TREM2: variants seen among roughly 807,000 people sequenced by gnomAD.
TREM2 encodes triggering receptor expressed on myeloid cells 2.
In TREM2, 20 loss-of-function variants were observed where a neutral mutation model predicts 22.9. The ratio of observed to expected loss-of-function variants is 0.87; its 90% confidence interval spans 0.61 to 1.27. The LOEUF (loss-of-function observed/expected upper bound fraction) is 1.27. Among genes scored for constraint, TREM2 ranks in the 50% most tolerant of loss-of-function variants. TREM2 has a pLI of 0.00. For synonymous variants in TREM2, 111 were observed against 120.9 expected, an observed-to-expected ratio of 0.92 and a Z score of 0.54; for missense variants, 267 against 289.0, an observed-to-expected ratio of 0.92 and a Z score of 0.55.
chr6:41,161,125 C>T, intron 2 of TREM2, 138 bp downstream of exon 2: 1 of 816,894 alleles, frequency 1.2e-6, no homozygotes, highest in Non-Finnish European at 2.0e-6. Flanking sequence ...TCCTTGGTAG[C>T]CCTGAGTAGG....
Position 41,158,715 on chromosome 6 carries a change from C to CT in TREM2, c.*48dup. The CT allele has an allele frequency of 6.2e-7, 1 of 1,614,204 alleles. No homozygotes were observed. The highest frequency in any genetic ancestry group is 8.5e-7 in the Non-Finnish European group (1 of 1,180,042). ...CCAAGTGGCAAGTATGCAGGCTGGG[C>CT]TGGTCCCTGGTGGGACTTCTCCTGG... On this transcript the variant is annotated 3_prime_UTR_variant, in exon 5 of 5. Coordinates refer to ENST00000373113, the MANE Select transcript of TREM2 (RefSeq NM_018965.4).
intron 3 of TREM2, among the ~76,000 whole-genome samples, chr6:41,159,397 T>A (rs1458340127): frequency 6.6e-6 from 1 of 152,182 alleles, no homozygotes; most frequent in Non-Finnish European, 1.5e-5. Context: ...TACACAGGCA[T>A]GGACCAGTCA....
Position 41,158,704 on chromosome 6 carries a change from T to C in TREM2, c.*60A>G. 1 of 1,614,156 alleles carries C rather than the reference T, an allele frequency of 6.2e-7. No individual in the cohort carries two copies. The highest frequency in any genetic ancestry group is 8.5e-7 in the Non-Finnish European group (1 of 1,180,036). On this transcript the variant is annotated 3_prime_UTR_variant, in exon 5 of 5. Coordinates refer to ENST00000373113, the MANE Select transcript of TREM2 (RefSeq NM_018965.4). ...AGTCCTGGTGGCCAAGTGGCAAGTA[T>C]GCAGGCTGGGCTGGTCCCTGGTGGG...
chr6:41,159,017 G>T lies in TREM2; in HGVS notation c.532C>A (p.Leu178Ile). 6.2e-7 allele frequency: 1 copy of T among 1,614,200 alleles called. No homozygotes were observed. The highest frequency in any genetic ancestry group is 8.5e-7 in the Non-Finnish European group (1 of 1,180,026). Residue 178 changes from leucine to isoleucine, a missense_variant, in exon 4 of 5, where the codon CTC (leucine) becomes ATC (isoleucine). By Grantham distance (5) the Leu-to-Ile change is conservative. Coordinates refer to ENST00000373113, the MANE Select transcript of TREM2 (RefSeq NM_018965.4). The part of the protein sequence containing the change: ...IPFPPTSILL[L>I]LACIFLIKIL... ...TTGATGAGAAAGATGCAGGCCAGGA[G>T]GAGAAGGATGGAAGTGGGTGGGAAG...
chr6:41,159,471 TA>T (rs2113877780), intron 3 of TREM2, among the ~76,000 whole-genome samples: 1 of 152,272 alleles, frequency 6.6e-6, no homozygotes, highest in African/African-American at 2.4e-5. Context: ...ACTAAAGTAC[TA>T]AAACATTCAT....
intron 2 of TREM2, among the ~76,000 whole-genome samples, chr6:41,160,639 G>C (rs1227464440): frequency 6.6e-6 from 1 of 152,044 alleles, no homozygotes; most frequent in Non-Finnish European, 1.5e-5. Context: ...AGGAGGCTTG[G>C]AGCACATGTC....
At position 41,161,538 on chromosome 6, in the gene TREM2, T is replaced by G. The variant is rs1279888023; in HGVS notation, c.116A>C (p.Asp39Ala). ...GCGCCTCCCCCAGTGCTTCATGGAG[T>G]CATAGGGGCAAGACACCTGCAGGGA... ...GQSLQVSCPY[D>A]SMKHWGRRKA... Residue 39 changes from aspartate to alanine, a missense_variant, in exon 2 of 5, where the codon GAC (aspartate) becomes GCC (alanine). By Grantham distance (126) the Asp-to-Ala change is moderately radical. Coordinates refer to ENST00000373113, the MANE Select transcript of TREM2 (RefSeq NM_018965.4). The G allele has an allele frequency of 6.2e-7, 1 of 1,614,030 alleles. No individual in the cohort carries two copies.
At chr6:41,160,567 A>G (rs564168496) in intron 2 of TREM2, among the ~76,000 whole-genome samples, 6 of 152,062 alleles carry the variant, frequency 3.9e-5, no homozygotes, top group Admixed American at 3.3e-4. Flanking sequence ...CGGGGGTGGA[A>G]AGGAGACACC....
intron 1 of TREM2, among the ~76,000 whole-genome samples, chr6:41,162,794 C>T (rs1765601334): frequency 6.6e-6 from 1 of 152,144 alleles, no homozygotes; most frequent in East Asian, 1.9e-4. Flanking sequence ...TCCAATGCAA[C>T]CAGAGTCCAC....
intron 1 of TREM2, among the ~76,000 whole-genome samples, chr6:41,161,842 A>G (rs1561879253): frequency 6.6e-6 from 1 of 152,142 alleles, no homozygotes; most frequent in Non-Finnish European, 1.5e-5. Context: ...TTGGAGAAGT[A>G]ACTGACCTTC....
rs1333444417 is a variant in TREM2, at chr6:41,158,923, C to T, written c.626G>A (p.Ser209Asn). The change falls in exon 4 of 5, where the codon AGT becomes AAT. Residue 209 changes from serine to asparagine, a missense_variant. Transcript: ENST00000373113. ...TGGGTCATGGCCACAGTCCAGTTCA[C>T]TGGGTGGATGTGTCCCTGGCTTCTG... ...HGQKPGTHPP[S>N]ELDCGHDPGY... 1.2e-6 allele frequency: 2 copies of T among 1,614,248 alleles called. No individual in the cohort carries two copies. Among genetic ancestry groups the T allele is most frequent in the South Asian group, 2.2e-5 (2 of 91,088 alleles).
Position 41,159,886 on chromosome 6 carries a change from T to TG in TREM2, c.392-5dup. 1 of 1,613,456 alleles carries TG rather than the reference T, an allele frequency of 6.2e-7. No individual in the cohort carries two copies. Among genetic ancestry groups the TG allele is most frequent in the Non-Finnish European group, 8.5e-7 (1 of 1,179,790 alleles). ...GCATCCCGGTGATCCAGGGGGTCTA[T>TG]GGGAGGCAGAGCCATGAGCCTCCAG... On this transcript the variant is annotated splice_polypyrimidine_tract_variant and splice_region_variant and intron_variant, in intron 2 of 4. Transcript: ENST00000373113.
intron 1 of TREM2, 29 bp downstream of exon 1, chr6:41,163,014 G>T: frequency 1.2e-6 from 2 of 1,614,082 alleles, no homozygotes; most frequent in Non-Finnish European, 8.5e-7. Context: ...AGGGAGAGAA[G>T]GCATCACAGG....
At chr6:41,161,036 G>A (rs1001372793) in intron 2 of TREM2, among the ~76,000 whole-genome samples, 1 of 152,182 alleles carries the variant, frequency 6.6e-6, no homozygotes, top group African/African-American at 2.4e-5. Context: ...ATGCAGCTCT[G>A]CACCAGGGAA....
chr6:41,159,964 T>G (rs1056848093), intron 2 of TREM2, 82 bp from the exon 3 acceptor site: 2 of 1,106,554 alleles, frequency 1.8e-6, no homozygotes, highest in South Asian at 2.6e-5. Flanking sequence ...CCTTTATGGG[T>G]GGGGTGAGGT....
chr6:41,160,007 A>C (rs1765520045), intron 2 of TREM2, 125 bp from the exon 3 acceptor site: 1 of 723,020 alleles, frequency 1.4e-6, no homozygotes, highest in African/African-American at 1.7e-5. Flanking sequence ...GGATCAGGTC[A>C]TTACACTCCA....
chr6:41,161,168 T>C, intron 2 of TREM2, 95 bp downstream of exon 2: 2 of 1,121,318 alleles, frequency 1.8e-6, no homozygotes, highest in Non-Finnish European at 2.6e-6. Flanking sequence ...TTTCCCAGGA[T>C]CCCTGAGAGC....
rs1222698506 is a variant in TREM2, at chr6:41,161,626, C to T, written c.41-13G>A. ...GCTCCGGACAGCTCTGGGGAGGAGA[C>T]ATTCATTCACTCCTTTGTTTACCAA... On this transcript the variant is annotated splice_polypyrimidine_tract_variant and intron_variant, in intron 1 of 4. Coordinates refer to ENST00000373113, the MANE Select transcript of TREM2 (RefSeq NM_018965.4). 3.1e-6 allele frequency: 5 copies of T among 1,602,884 alleles called. No individual in the cohort carries two copies. The highest frequency in any genetic ancestry group is 3.4e-6 in the Non-Finnish European group (4 of 1,172,478).
intron 2 of TREM2, among the ~76,000 whole-genome samples, chr6:41,160,684 A>C (rs1765541023): frequency 6.6e-6 from 1 of 151,802 alleles, no homozygotes; most frequent in Admixed American, 6.6e-5. Flanking sequence ...CCAAATAAAA[A>C]CTCACAGGAA....
Sources: gnomAD v4.1 joint callset for allele counts (sites outside exome capture counted in the v4.1 genomes callset) on GRCh38, gnomAD v4.1.1 for gene constraint, MANE v1.5 for transcripts, NCBI Gene and HGNC (gene_info 2026-07-23, HGNC 2026-07-21) for gene names.